Variants in PTPRD observed in about 807,000 individuals in gnomAD.
PTPRD encodes the protein protein tyrosine phosphatase receptor type D.
PTPRD carries 34 observed loss-of-function variants against 214.5 expected under a neutral mutation model. The observed-to-expected ratio is 0.16, with a 90% confidence interval of 0.12 to 0.21. The LOEUF (loss-of-function observed/expected upper bound fraction) is 0.21. Among genes scored for constraint, PTPRD ranks in the 10% least tolerant of loss-of-function variants. The pLI is 1.00. For missense variants in PTPRD, 2,545 were observed against 2,398.7 expected, an observed-to-expected ratio of 1.06 and a Z score of -1.27; for synonymous variants, 1,128 against 845.7, an observed-to-expected ratio of 1.33 and a Z score of -5.79.
At chr9:8,704,023 G>A (rs1007532700) in intron 12 of PTPRD, among the ~76,000 whole-genome samples, 1 of 152,096 alleles carries the variant, frequency 6.6e-6, no homozygotes, top group Non-Finnish European at 1.5e-5. Flanking sequence ...CAATATATGA[G>A]GAAATAATTT....
At chr9:10,070,465 T>C (rs920050837) in intron 3 of PTPRD, among the ~76,000 whole-genome samples, 2 of 152,024 alleles carry the variant, frequency 1.3e-5, no homozygotes, top group Non-Finnish European at 2.9e-5. Flanking sequence ...CAATAATTTA[T>C]GCATTTCTAT....
chr9:9,632,495 G>T (rs1189259644), intron 7 of PTPRD, among the ~76,000 whole-genome samples: 2 of 151,966 alleles, frequency 1.3e-5, no homozygotes, highest in African/African-American at 4.8e-5. Context: ...GGTGATGATT[G>T]TACAATCTTG....
intron 10 of PTPRD, among the ~76,000 whole-genome samples, chr9:9,047,710 T>C (rs933735889): frequency 6.6e-6 from 1 of 152,004 alleles, no homozygotes; most frequent in Non-Finnish European, 1.5e-5. Flanking sequence ...GAAGAATTAA[T>C]CTAGACCCAT....
chr9:10,399,518 C>T (rs1277021733), intron 2 of PTPRD, among the ~76,000 whole-genome samples: 1 of 151,730 alleles, frequency 6.6e-6, no homozygotes, highest in Non-Finnish European at 1.5e-5. Flanking sequence ...ATATAAAGAA[C>T]CACATGAAAC....
intron 2 of PTPRD, among the ~76,000 whole-genome samples, chr9:10,603,763 A>G (rs1035523260): frequency 2.0e-5 from 3 of 151,880 alleles, no homozygotes; most frequent in Non-Finnish European, 2.9e-5. Flanking sequence ...GAGGCAGTAT[A>G]TAAGAGATAA....
intron 14 of PTPRD, among the ~76,000 whole-genome samples, chr9:8,545,886 G>T (rs1392188126): frequency 6.6e-6 from 1 of 152,192 alleles, no homozygotes; most frequent in Admixed American, 6.5e-5. Flanking sequence ...GCCTGTTCAA[G>T]AAGAAATCCA....
chr9:9,659,238 T>G (rs567638491), intron 7 of PTPRD, among the ~76,000 whole-genome samples: 39 of 152,240 alleles, frequency 2.6e-4, no homozygotes, highest in African/African-American at 9.4e-4. Flanking sequence ...CCTAAAAATT[T>G]TACATATGTG....
intron 4 of PTPRD, among the ~76,000 whole-genome samples, chr9:9,995,524 C>T (rs1218159361): frequency 1.3e-5 from 2 of 152,152 alleles, no homozygotes; most frequent in Non-Finnish European, 2.9e-5. Flanking sequence ...TCTCCCTTTT[C>T]TCCACCCCAC....
intron 11 of PTPRD, among the ~76,000 whole-genome samples, chr9:8,749,947 C>CA (rs1163932046): frequency 6.6e-6 from 1 of 151,732 alleles, no homozygotes; most frequent in Non-Finnish European, 1.5e-5. Context: ...CCTAAAAATA[C>CA]AAAAAATGAG....
At chr9:9,025,153 T>C (rs984152257) in intron 10 of PTPRD, among the ~76,000 whole-genome samples, 7 of 152,024 alleles carry the variant, frequency 4.6e-5, no homozygotes, top group African/African-American at 1.7e-4. Flanking sequence ...ACATTTTTCA[T>C]TGCTTTATTA....
intron 10 of PTPRD, among the ~76,000 whole-genome samples, chr9:9,165,705 CG>C (rs1204492188): frequency 4.6e-5 from 7 of 151,944 alleles, no homozygotes; most frequent in Non-Finnish European, 1.0e-4. Flanking sequence ...GTACATTTCA[CG>C]GGGGGCCACA....
intron 10 of PTPRD, among the ~76,000 whole-genome samples, chr9:9,041,301 T>C (rs2099639017): frequency 6.6e-6 from 1 of 152,118 alleles, no homozygotes; most frequent in African/African-American, 2.4e-5. Context: ...GTACAGATTA[T>C]TTTGTCACTC....
intron 9 of PTPRD, among the ~76,000 whole-genome samples, chr9:9,236,296 G>A (rs1325173586): frequency 1.3e-5 from 2 of 152,046 alleles, no homozygotes; most frequent in Non-Finnish European, 2.9e-5. Context: ...AAAATTATTT[G>A]AGAGAGCTCT....
intron 9 of PTPRD, among the ~76,000 whole-genome samples, chr9:9,259,995 G>C (rs1013220959): frequency 6.6e-6 from 1 of 151,850 alleles, no homozygotes; most frequent in Non-Finnish European, 1.5e-5. Context: ...CAAGTAACCT[G>C]ATATTTGCCC....
intron 9 of PTPRD, among the ~76,000 whole-genome samples, chr9:9,207,857 T>C (rs1321112778): frequency 1.3e-5 from 2 of 151,720 alleles, no homozygotes; most frequent in Non-Finnish European, 2.9e-5. Flanking sequence ...ATCCATATAA[T>C]AGAGAACCAT....
chr9:8,917,684 G>A (rs1322385150), intron 11 of PTPRD, among the ~76,000 whole-genome samples: 1 of 151,932 alleles, frequency 6.6e-6, no homozygotes, highest in Non-Finnish European at 1.5e-5. Context: ...GAATATAATG[G>A]ACTATAAATA....
intron 9 of PTPRD, among the ~76,000 whole-genome samples, chr9:9,332,676 C>A (rs1211420838): frequency 2.6e-5 from 4 of 151,382 alleles, no homozygotes; most frequent in Admixed American, 2.6e-4. Flanking sequence ...ACAACCAGCT[C>A]TTGAACTTTG....
intron 4 of PTPRD, among the ~76,000 whole-genome samples, chr9:9,996,961 G>A (rs1002562347): frequency 7.2e-5 from 11 of 152,154 alleles, no homozygotes; most frequent in African/African-American, 2.7e-4. Context: ...CAGGAAGTAT[G>A]GCCTGTATAC....
At chr9:8,499,611 A>G (rs768129498) in intron 25 of PTPRD, 36 bp downstream of exon 25, 1 of 1,576,056 alleles carries the variant, frequency 6.3e-7, no homozygotes, top group South Asian at 1.2e-5. Flanking sequence ...TAAACTTATT[A>G]TATAAAAACA....
Sources: gnomAD v4.1 joint callset for allele counts (sites outside exome capture counted in the v4.1 genomes callset) on GRCh38, gnomAD v4.1.1 for gene constraint, MANE v1.5 for transcripts, NCBI Gene and HGNC (gene_info 2026-07-23, HGNC 2026-07-21) for gene names.